Variants in LMAN2L observed in about 807,000 individuals in gnomAD.
LMAN2L encodes the protein lectin, mannose binding 2 like, also known as VIP36-like protein.
In LMAN2L, 30 loss-of-function variants were observed where a neutral mutation model predicts 44.3. The ratio of observed to expected loss-of-function variants is 0.68; its 90% CI spans 0.51 to 0.92. The LOEUF (loss-of-function observed/expected upper bound fraction) is 0.92, where lower values mean the gene tolerates loss of function less well. Ranked by LOEUF, LMAN2L falls within the 40% of genes least tolerant of loss-of-function variation. The pLI, the probability that LMAN2L is intolerant of heterozygous loss-of-function variation, is 0.00. For synonymous variants in LMAN2L, 183 were observed against 171.1 expected (o/e 1.07, Z -0.54); for missense variants, 429 against 446.1 (o/e 0.96, Z 0.35).
chr2:96,727,216 G>A (rs2078290404), intron 4 of LMAN2L, among the ~76,000 whole-genome samples: 1 of 152,056 alleles, frequency 6.6e-6, no homozygotes, highest in African/African-American at 2.4e-5. Flanking sequence ...AATTTGTTGA[G>A]TGTTTTTATT....
At chr2:96,720,475 C>T (rs2078127436) in intron 4 of LMAN2L, among the ~76,000 whole-genome samples, 1 of 142,184 alleles carries the variant, frequency 7.0e-6, no homozygotes, top group Non-Finnish European at 1.5e-5. Context: ...TTATCTTTAC[C>T]TTTTTTTTTT....
At chr2:96,739,753 T>G in intron 1 of LMAN2L, 101 bp downstream of exon 1, 1 of 1,239,326 alleles carries the variant, frequency 8.1e-7, no homozygotes, top group Non-Finnish European at 1.2e-6. Flanking sequence ...GCCAGCAGTT[T>G]CCTCCGGGCC....
intron 4 of LMAN2L, chr2:96,712,974 A>G (rs1447612422): frequency 2.8e-6 from 2 of 724,016 alleles, no homozygotes; most frequent in African/African-American, 3.5e-5. Context: ...AATGGTTAAC[A>G]TGCAAGATGG....
intron 4 of LMAN2L, among the ~76,000 whole-genome samples, chr2:96,726,222 A>G (rs1247159981): frequency 6.6e-6 from 1 of 151,362 alleles, no homozygotes; most frequent in African/African-American, 2.4e-5. Flanking sequence ...CTGATCTCGT[A>G]TCCTTCAACC....
At chr2:96,732,316 G>A (rs991310226) in intron 4 of LMAN2L, among the ~76,000 whole-genome samples, 3 of 151,888 alleles carry the variant, frequency 2.0e-5, no homozygotes, top group Admixed American at 6.6e-5. Flanking sequence ...TGGCAGTGCC[G>A]TAGGACATAG....
Position 96,707,070 on chromosome 2 carries a change from A to G in LMAN2L, c.*186T>C, listed in dbSNP as rs1053056185. 1.9e-6 allele frequency: 1 copy of G among 535,308 alleles called. No homozygotes were observed. The highest frequency in any genetic ancestry group is 3.2e-6 in the Non-Finnish European group (1 of 312,736). 33.2% of individuals were successfully genotyped at this position (535,308 alleles called of 1,614,324 possible). On this transcript the variant is annotated 3_prime_UTR_variant, in exon 8 of 8. Transcript: ENST00000264963. Reference sequence around the variant, plus strand: ...TGGGGTGGGTGGCTTCCCAGACCAGAGTTAGATGTCCCCATGCACAACCAT... The same window carrying G: ...TGGGGTGGGTGGCTTCCCAGACCAGGGTTAGATGTCCCCATGCACAACCAT...
At chr2:96,717,368 C>T (rs2078060229) in intron 4 of LMAN2L, among the ~76,000 whole-genome samples, 2 of 151,840 alleles carry the variant, frequency 1.3e-5, no homozygotes, top group Non-Finnish European at 2.9e-5. Context: ...GGCAAAACCC[C>T]ATCTCTACAA....
At chr2:96,730,666 T>C (rs68026712) in intron 4 of LMAN2L, among the ~76,000 whole-genome samples, 68,719 of 151,884 alleles carry the variant, frequency 0.45, 16,877 homozygotes, top group African/African-American at 0.64. Context: ...ACACACTCAT[T>C]ATCCCCTCTC....
chr2:96,726,606 A>G (rs970859732), intron 4 of LMAN2L, among the ~76,000 whole-genome samples: 2 of 151,466 alleles, frequency 1.3e-5, no homozygotes, highest in African/African-American at 4.9e-5. Flanking sequence ...AACATGGCAA[A>G]CTCCCGTCAC....
At chr2:96,721,350 T>TTTA (rs2078150933) in intron 4 of LMAN2L, among the ~76,000 whole-genome samples, 3 of 123,494 alleles carry the variant, frequency 2.4e-5, no homozygotes, top group Admixed American at 7.7e-5. Context: ...TTTTTTTTTT[T>TTTA]GAGACAGGGT....
chr2:96,715,183 C>T (rs945014995), intron 4 of LMAN2L, among the ~76,000 whole-genome samples: 5 of 152,052 alleles, frequency 3.3e-5, no homozygotes, highest in Admixed American at 6.6e-5. Context: ...GTGATCTGCC[C>T]GTCTTGGCCT....
At chr2:96,739,397 C>G (rs2078586947) in intron 1 of LMAN2L, among the ~76,000 whole-genome samples, 1 of 152,154 alleles carries the variant, frequency 6.6e-6, no homozygotes, top group African/African-American at 2.4e-5. Flanking sequence ...CAACAGGGCC[C>G]CTAGGCTGGA....
rs184461218 is a variant in LMAN2L at position 96,729,104 on chromosome 2, G to A, written c.507+4415C>T. 6.1e-3 allele frequency among the ~76,000 whole-genome samples: 931 copies of A among 151,774 alleles called. 16 individuals are homozygous for A. The highest frequency in any genetic ancestry group is 5.4e-3 in the Non-Finnish European group (364 of 67,946). On this transcript the variant is annotated intron_variant, in intron 4 of 7. Transcript: ENST00000264963. ...GGAGAATGGCGTGAACCCGGGAGGC[G>A]GAGCTTGCAGTGAGCTGAGATCGCA...
In LMAN2L at chr2:96,734,430, T is replaced by G; in HGVS notation, c.403A>C (p.Thr135Pro). The G allele has an allele frequency of 6.2e-7, 1 of 1,610,194 alleles. No individual in the cohort carries two copies. The highest frequency in any genetic ancestry group is 8.5e-7 in the Non-Finnish European group (1 of 1,176,346). ...ATACCTGGCTGCATCCGATCCTTTGTGTACCAGATTGCCAAGCCATCCCCA... is the reference window on the plus strand; with the variant it reads ...ATACCTGGCTGCATCCGATCCTTTGGGTACCAGATTGCCAAGCCATCCCCA... The part of the protein sequence containing the change: ...LHGDGLAIWY[T>P]KDRMQPGPVF... Residue 135 changes from threonine to proline, a missense_variant, in exon 3 of 8, where the codon ACA (threonine) becomes CCA (proline). Transcript: ENST00000264963.
rs569163958 is a variant in LMAN2L at position 96,714,023 on chromosome 2, C to T, written c.508-1998G>A. Among the ~76,000 whole-genome samples the T allele has an allele frequency of 2.0e-5, 3 of 152,234 alleles. No homozygotes were observed. The South Asian group carries it at 6.2e-4, about 32-fold the overall frequency. On this transcript the variant is annotated intron_variant, in intron 4 of 7. Coordinates refer to ENST00000264963, the MANE Select transcript of LMAN2L (RefSeq NM_030805.4). The stretch of plus-strand genomic sequence containing the variant: ...TACAAGCCAGGTACTGTTCCAGATG[C>T]TGAGGGTCCAAAGAGAAACAAGACA...
rs553506671 is a variant in LMAN2L at position 96,731,367 on chromosome 2, C to A, written c.507+2152G>T. Among the ~76,000 whole-genome samples, 29 of 152,170 alleles carry A rather than the reference C, an allele frequency of 1.9e-4. No individual in the cohort carries two copies. The East Asian group carries it at 5.4e-3, about 28-fold the overall frequency. On this transcript the variant is annotated intron_variant, in intron 4 of 7. Coordinates refer to ENST00000264963, the MANE Select transcript of LMAN2L (RefSeq NM_030805.4). ...CATTCCACCACCTTTAAAGTGAGCT[C>A]GCTGGGCACAGTGGCTCATACCTGT...
rs188037661 is a variant in LMAN2L, at chr2:96,735,596, T to C, written c.307-1070A>G. 1.1e-4 allele frequency among the ~76,000 whole-genome samples: 17 copies of C among 152,222 alleles called. No individual in the cohort carries two copies. In the East Asian group the frequency reaches 2.7e-3, roughly 24 times the overall value. On this transcript the variant is annotated intron_variant, in intron 2 of 7. Transcript: ENST00000264963. The stretch of plus-strand genomic sequence containing the variant: ...GCTCACGCCTGTAATCCCAGCACTT[T>C]GGGAGGCTGAGGTGGGCAGATCACA...
chr2:96,708,876 T>C (rs1161500235), intron 6 of LMAN2L, among the ~76,000 whole-genome samples: 2 of 151,476 alleles, frequency 1.3e-5, no homozygotes, highest in African/African-American at 4.8e-5. Context: ...CATTTAACCA[T>C]ATCTGATGTG....
intron 4 of LMAN2L, among the ~76,000 whole-genome samples, chr2:96,719,848 T>C (rs72809825): frequency 0.048 from 7,277 of 152,240 alleles, 240 homozygotes; most frequent in Middle Eastern, 0.082. Context: ...ATTATAGGCA[T>C]TGGCCACTGC....
Sources: allele counts gnomAD v4.1 joint callset (sites outside exome capture counted in the v4.1 genomes callset), GRCh38; gene constraint gnomAD v4.1.1; transcripts MANE v1.5; gene names NCBI Gene and HGNC (gene_info 2026-07-23, HGNC 2026-07-21).